The following PCDHGB2 variants were observed in gnomAD, a reference collection of about 807,000 sequenced individuals.
The protein encoded by PCDHGB2 is protocadherin gamma-B2.
A neutral mutation model predicts 59.3 loss-of-function variants in PCDHGB2; 55 were observed. That is an observed-to-expected ratio of 0.93 (90% CI 0.75 to 1.16). PCDHGB2 has a LOEUF of 1.16. Ranked by LOEUF, PCDHGB2 falls within the 50% of genes most tolerant of loss-of-function variation. PCDHGB2 has a pLI of 0.00. For missense variants in PCDHGB2, 1,228 were observed against 1,198.5 expected (o/e 1.02, Z -0.36); for synonymous variants, 516 against 512.0 (o/e 1.01, Z -0.11).
chr5:141,384,530 G>A, intron 1 of PCDHGB2: 6 of 1,614,238 alleles, frequency 3.7e-6, no homozygotes, highest in Non-Finnish European at 5.1e-6. Flanking sequence ...CCTCTCAGCA[G>A]CAACATGTCA....
intron 1 of PCDHGB2, chr5:141,393,214 A>AT (rs1561641117): frequency 1.2e-6 from 2 of 1,613,518 alleles, no homozygotes; most frequent in East Asian, 2.2e-5. Flanking sequence ...CCAAAATTCC[A>AT]GGTCGAAGAT....
In PCDHGB2 at chr5:141,511,233, T is replaced by C. The variant is rs776405064; in HGVS notation, c.*60T>C. 5.0e-6 allele frequency: 8 copies of C among 1,595,310 alleles called. No homozygotes were observed. Among genetic ancestry groups the C allele is most frequent in the Non-Finnish European group, 6.8e-6 (8 of 1,170,902 alleles). On this transcript the variant is annotated 3_prime_UTR_variant, in exon 4 of 4. Transcript: ENST00000522605. ...CTCCCCAACCAGCCCAGCTTCTCCT[T>C]ACCTGCACCCAGGCCTCAGAGTTTC...
chr5:141,414,306 T>A lies in PCDHGB2; in HGVS notation c.2421+51750T>A, dbSNP rs778408885. The A allele has an allele frequency of 6.2e-6, 10 of 1,613,584 alleles. No homozygotes were observed. The Admixed American group carries it at 1.2e-4, about 19-fold the overall frequency. Reference sequence around the variant, plus strand: ...TCGTAGCCCTTTTAAATGTGCATGATTTAGACTCTGAGCAGAATGGACAGG... The same window carrying A: ...TCGTAGCCCTTTTAAATGTGCATGAATTAGACTCTGAGCAGAATGGACAGG... On this transcript the variant is annotated intron_variant, in intron 1 of 3. Coordinates refer to ENST00000522605, the MANE Select transcript of PCDHGB2 (RefSeq NM_018923.3).
At chr5:141,495,013 T>C (rs2099758300) in intron 2 of PCDHGB2, 148 bp downstream of exon 2, 12 of 1,511,014 alleles carry the variant, frequency 7.9e-6, no homozygotes, top group Non-Finnish European at 1.1e-5. Context: ...TGCGGGGGGC[T>C]GGCACACAGA....
chr5:141,489,776 C>T lies in PCDHGB2; in HGVS notation c.2422-5031C>T. The T allele has an allele frequency of 6.2e-7, 1 of 1,614,202 alleles. No homozygotes were observed. Among genetic ancestry groups the T allele is most frequent in the Non-Finnish European group, 8.5e-7 (1 of 1,180,020 alleles). On this transcript the variant is annotated intron_variant, in intron 1 of 3. Transcript: ENST00000522605. This position sits in a 1 kb window ranked among gnomAD's most constrained non-coding sequence, Gnocchi z 4.5. ...ACTCTAAGCCCCAACAGCCACTTCT[C>T]TCTGAATGTGAAGACCCTAAAAGAT...
intron 1 of PCDHGB2, among the ~76,000 whole-genome samples, chr5:141,454,353 A>G (rs2098787486): frequency 1.3e-5 from 2 of 152,238 alleles, no homozygotes; most frequent in Non-Finnish European, 2.9e-5. Context: ...AGTTGATCCA[A>G]ACTTAGAAAG....
chr5:141,364,535 A>G (rs1404696563), intron 1 of PCDHGB2: 2 of 1,614,100 alleles, frequency 1.2e-6, no homozygotes, highest in Admixed American at 3.3e-5. Context: ...CATCGTCTCC[A>G]GAGGTAGGAC....
chr5:141,370,315 G>C, intron 1 of PCDHGB2: 1 of 1,276,896 alleles, frequency 7.8e-7, no homozygotes, highest in South Asian at 1.6e-5. Context: ...GCAAATAGTT[G>C]GTCCTGCTCG....
In PCDHGB2 at chr5:141,486,936, A is replaced by G; in HGVS notation, c.2422-7871A>G. 2 of 1,614,184 alleles carry G rather than the reference A, an allele frequency of 1.2e-6. No individual in the cohort carries two copies. Among genetic ancestry groups the G allele is most frequent in the Non-Finnish European group, 1.7e-6 (2 of 1,180,030 alleles). On this transcript the variant is annotated intron_variant, in intron 1 of 3. Transcript: ENST00000522605. This position sits in a 1 kb window ranked among gnomAD's most constrained non-coding sequence, Gnocchi z 5.0. ...CTGCCTCCATCAGTTGGTGCTGGCC[A>G]CCTAATCACAAAGGTGACTGCTGTG...
intron 2 of PCDHGB2, 58 bp downstream of exon 2, chr5:141,494,923 G>T: frequency 6.2e-7 from 1 of 1,613,698 alleles, no homozygotes; most frequent in Non-Finnish European, 8.5e-7. Context: ...CAGGGATGAC[G>T]TGGGAGGAGA....
Position 141,489,517 on chromosome 5 carries a change from G to C in PCDHGB2, c.2422-5290G>C. The C allele has an allele frequency of 6.2e-7, 1 of 1,614,136 alleles. No individual in the cohort carries two copies. Among genetic ancestry groups the C allele is most frequent in the Non-Finnish European group, 8.5e-7 (1 of 1,180,044 alleles). On this transcript the variant is annotated intron_variant, in intron 1 of 3. Transcript: ENST00000522605. The surrounding 1 kb of genome is among the most constrained non-coding windows in gnomAD (Gnocchi z 4.5). ...GGCAGTGAATCAAAAGATTGACCGA[G>C]AAAGCCTATGTGGAGCCAGCACCAG...
chr5:141,459,506 A>G (rs1156362858), intron 1 of PCDHGB2, among the ~76,000 whole-genome samples: 1 of 152,236 alleles, frequency 6.6e-6, no homozygotes, highest in East Asian at 1.9e-4. Flanking sequence ...GATGTGAACA[A>G]TCATGTACAA....
intron 1 of PCDHGB2, among the ~76,000 whole-genome samples, chr5:141,405,659 G>A (rs867774573): frequency 2.0e-5 from 3 of 152,106 alleles, no homozygotes; most frequent in Non-Finnish European, 4.4e-5. Flanking sequence ...TGTGTTTTTA[G>A]TAGAGACGGG....
chr5:141,390,539 A>T (rs774441899), intron 1 of PCDHGB2: 22 of 514,666 alleles, frequency 4.3e-5, no homozygotes, highest in Non-Finnish European at 6.5e-5. Flanking sequence ...TTTTAACCAC[A>T]AAGTGAAAGT....
At chr5:141,388,020 G>A (rs549084224) in intron 1 of PCDHGB2, 32 of 1,459,094 alleles carry the variant, frequency 2.2e-5, no homozygotes, top group African/African-American at 7.1e-5. Context: ...CAAGGGCTCC[G>A]TAGTGGGGAA....
At chr5:141,426,876 C>T (rs796453479) in intron 1 of PCDHGB2, 2 of 456,726 alleles carry the variant, frequency 4.4e-6, no homozygotes, top group African/African-American at 2.0e-5. Context: ...GGAGAAGCCC[C>T]TGGGCCAGGA....
At chr5:141,384,541 C>T in intron 1 of PCDHGB2, 2 of 1,614,264 alleles carry the variant, frequency 1.2e-6, no homozygotes, top group Non-Finnish European at 1.7e-6. Context: ...CAACATGTCA[C>T]TGAGCCTGTT....
chr5:141,398,026 C>G, intron 1 of PCDHGB2: 2 of 1,446,724 alleles, frequency 1.4e-6, no homozygotes, highest in Admixed American at 2.6e-5. Context: ...TAAACTGGAA[C>G]TGGAACTAAA....
intron 1 of PCDHGB2, chr5:141,421,581 C>T (rs2096585155): frequency 2.5e-6 from 4 of 1,613,712 alleles, no homozygotes; most frequent in Admixed American, 1.7e-5. Flanking sequence ...TGAAGATTTA[C>T]GGAGTGGAGG....
Sources: gnomAD v4.1 joint callset for allele counts (sites outside exome capture counted in the v4.1 genomes callset) on GRCh38, gnomAD v4.1.1 for gene constraint, Gnocchi (gnomAD v3.1) non-coding constraint, MANE v1.5 for transcripts, NCBI Gene and HGNC (gene_info 2026-07-23, HGNC 2026-07-21) for gene names.